Variants in ARHGAP19 observed in about 807,000 individuals in gnomAD.
ARHGAP19 encodes rho GTPase-activating protein 19.
Under a neutral mutation model 60.9 loss-of-function variants are expected in ARHGAP19, and 48 were observed. The ratio of observed to expected loss-of-function variants is 0.79; its 90% CI spans 0.62 to 1.00. The LOEUF is 1.00. Ranked by LOEUF, ARHGAP19 falls within the 50% of genes least tolerant of loss-of-function variation. ARHGAP19 has a pLI of 0.00. For missense variants in ARHGAP19, 562 were observed against 597.2 expected (o/e 0.94, Z 0.61); for synonymous variants, 209 against 215.5 (o/e 0.97, Z 0.27).
chr10:97,284,079 G>A (rs1471479752), intron 1 of ARHGAP19, among the ~76,000 whole-genome samples: 1 of 151,844 alleles, frequency 6.6e-6, no homozygotes, highest in East Asian at 1.9e-4. Context: ...GACTACAGGT[G>A]CACACCACCA....
chr10:97,238,515 G>T (rs1292342241), intron 8 of ARHGAP19, among the ~76,000 whole-genome samples: 2 of 152,142 alleles, frequency 1.3e-5, no homozygotes, highest in Non-Finnish European at 2.9e-5. Flanking sequence ...ACCACGCCCA[G>T]CCTGTGTCTT....
chr10:97,265,003 C>T (rs1315887324), intron 2 of ARHGAP19, 97 bp from the exon 3 acceptor site: 1 of 917,682 alleles, frequency 1.1e-6, no homozygotes, highest in Non-Finnish European at 1.7e-6. Flanking sequence ...TACAATTCAG[C>T]AAGCATTTTC....
intron 8 of ARHGAP19, among the ~76,000 whole-genome samples, chr10:97,242,001 C>G (rs1301255152): frequency 1.4e-5 from 2 of 143,458 alleles, no homozygotes; most frequent in Non-Finnish European, 3.0e-5. Context: ...CAGAGTGAGA[C>G]TCTGCCTCAA....
At chr10:97,246,994 G>A (rs753614432) in intron 6 of ARHGAP19, among the ~76,000 whole-genome samples, 2 of 152,028 alleles carry the variant, frequency 1.3e-5, no homozygotes, top group South Asian at 4.1e-4. Flanking sequence ...AAAATTAGCC[G>A]GGTGTGGTGG....
intron 1 of ARHGAP19, among the ~76,000 whole-genome samples, chr10:97,279,846 G>A (rs1454403625): frequency 6.6e-6 from 1 of 152,056 alleles, no homozygotes; most frequent in East Asian, 1.9e-4. Context: ...ACTATTCTGA[G>A]ATGAAAAAAC....
chr10:97,292,513 C>A lies in ARHGAP19; in HGVS notation c.56+59G>T. 2.5e-6 allele frequency: 4 copies of A among 1,594,030 alleles called. No homozygotes were observed. The South Asian group carries it at 4.4e-5, about 18-fold the overall frequency. Reference sequence around the variant, plus strand: ...GCGCCTCCGTGACCCAAGGCAAAGGCGGCAGGACTACCAGCCCAAGGCCGC... The same window carrying A: ...GCGCCTCCGTGACCCAAGGCAAAGGAGGCAGGACTACCAGCCCAAGGCCGC... On this transcript the variant is annotated intron_variant, in intron 1 of 11. Transcript: ENST00000358531.
chr10:97,254,377 A>C (rs895276059), intron 6 of ARHGAP19, among the ~76,000 whole-genome samples: 5 of 152,218 alleles, frequency 3.3e-5, no homozygotes, highest in Admixed American at 2.6e-4. Context: ...AGCCAGAAAT[A>C]AACTCTTACA....
At chr10:97,246,460 A>G in intron 6 of ARHGAP19, 123 bp from the exon 7 acceptor site, 1 of 734,622 alleles carries the variant, frequency 1.4e-6, no homozygotes, top group South Asian at 1.7e-5. Flanking sequence ...AAAGCCAAAG[A>G]TCCTCAAAAT....
Position 97,256,568 on chromosome 10 carries a change from A to G in ARHGAP19, c.841-164T>C, listed in dbSNP as rs1195644182. On this transcript the variant is annotated intron_variant, in intron 5 of 11. Coordinates refer to ENST00000358531, the MANE Select transcript of ARHGAP19 (RefSeq NM_032900.6). ...ACTTTTTGGTTCATCAGGATATGAC[A>G]TAATCTAGAAAAACAATGTGTCCCT... 1.3e-5 allele frequency: 7 copies of G among 536,350 alleles called. No homozygotes were observed. The Admixed American group carries it at 1.4e-4, about 11-fold the overall frequency. 33.2% of individuals were successfully genotyped at this position (536,350 alleles called of 1,614,324 possible).
At chr10:97,283,073 C>T (rs1843106930) in intron 1 of ARHGAP19, among the ~76,000 whole-genome samples, 2 of 151,308 alleles carry the variant, frequency 1.3e-5, no homozygotes, top group African/African-American at 4.9e-5. Context: ...GAACTCCTGA[C>T]CTCAGGCAAT....
In ARHGAP19 at chr10:97,266,037, G is replaced by A; in HGVS notation, c.145C>T (p.Leu49Phe). 1 of 1,614,178 alleles carries A rather than the reference G, an allele frequency of 6.2e-7. No individual in the cohort carries two copies. The highest frequency in any genetic ancestry group is 1.7e-5 in the Admixed American group (1 of 60,016). ...AAAATCTCAGGTTTCTCATGTCGGA[G>A]TTTCTCCACAAAAAAGTCAGGATTA... is the stretch of plus-strand genomic sequence containing the variant. The part of the protein sequence containing the change: ...IFNPDFFVEK[L>F]RHEKPEIFTE... Residue 49 changes from leucine to phenylalanine, a missense_variant, in exon 2 of 12, where the codon CTC (leucine) becomes TTC (phenylalanine). Leu to Phe is a conservative substitution (Grantham distance 22, BLOSUM62 0). Transcript: ENST00000358531.
chr10:97,235,347 T>C, intron 8 of ARHGAP19, 32 bp from the exon 9 acceptor site: 2 of 1,548,298 alleles, frequency 1.3e-6, no homozygotes, highest in Non-Finnish European at 8.9e-7. Context: ...ATTTTATAAA[T>C]ACTTTCCCAT....
At chr10:97,231,035 C>T (rs1377721760) in intron 9 of ARHGAP19, among the ~76,000 whole-genome samples, 30 of 1,956 alleles carry the variant, frequency 0.015, no homozygotes, top group Admixed American at 0.022. Flanking sequence ...CCAGCCTGCA[C>T]ACCTAGTGAG....
chr10:97,230,856 AG>A (rs1289577383), intron 9 of ARHGAP19, among the ~76,000 whole-genome samples: 1 of 152,142 alleles, frequency 6.6e-6, no homozygotes, highest in Non-Finnish European at 1.5e-5. Flanking sequence ...GCTGGAGGCC[AG>A]GAGTTTGAGA....
At chr10:97,236,949 T>C (rs1842389736) in intron 8 of ARHGAP19, among the ~76,000 whole-genome samples, 1 of 152,024 alleles carries the variant, frequency 6.6e-6, no homozygotes, top group East Asian at 1.9e-4. Flanking sequence ...TTGAATAACA[T>C]TACAGGAATG....
intron 6 of ARHGAP19, among the ~76,000 whole-genome samples, chr10:97,247,215 G>C (rs1842576362): frequency 1.3e-5 from 2 of 151,898 alleles, no homozygotes; most frequent in Admixed American, 1.3e-4. Context: ...GAAGGCTAAG[G>C]GGGAGAATCA....
intron 9 of ARHGAP19, among the ~76,000 whole-genome samples, chr10:97,234,431 AAAAAAAG>A (rs1194289513): frequency 1.3e-3 from 201 of 151,330 alleles, no homozygotes; most frequent in African/African-American, 4.5e-3. Flanking sequence ...AAAAAAAAAA[AAAAAAAG>A]ATACTCAGTG....
At chr10:97,263,821 G>A (rs1006609972) in intron 3 of ARHGAP19, among the ~76,000 whole-genome samples, 192 bp from the exon 4 acceptor site, 2 of 152,152 alleles carry the variant, frequency 1.3e-5, no homozygotes, top group Admixed American at 6.5e-5. Flanking sequence ...GAATGTCCCT[G>A]AGCATTTGGA....
chr10:97,257,771 C>A (rs1842775820), intron 5 of ARHGAP19, among the ~76,000 whole-genome samples: 1 of 151,780 alleles, frequency 6.6e-6, no homozygotes, highest in East Asian at 1.9e-4. Context: ...ATTATTTTTT[C>A]ACTAGTTATT....
Sources: allele counts gnomAD v4.1 joint callset (sites outside exome capture counted in the v4.1 genomes callset), GRCh38; gene constraint gnomAD v4.1.1; transcripts MANE v1.5; gene names NCBI Gene and HGNC (gene_info 2026-07-23, HGNC 2026-07-21).